HR: variants seen among roughly 807,000 people sequenced by gnomAD.
The protein encoded by HR is HR lysine demethylase and nuclear receptor corepressor.
HR carries 83 observed loss-of-function variants against 128.6 expected under a neutral mutation model. That is an observed-to-expected ratio of 0.65 (90% confidence interval 0.54 to 0.77). The LOEUF (loss-of-function observed/expected upper bound fraction) is 0.77. Ranked by LOEUF, HR falls within the 30% of genes least tolerant of loss-of-function variation. The pLI is 0.00. For missense variants in HR, 1,490 were observed against 1,574.6 expected (o/e 0.95, Z 0.91); for synonymous variants, 681 against 658.2 (o/e 1.03, Z -0.53).
rs1375391598 is a variant in HR at position 22,123,719 on chromosome 8, G to A, written c.1845C>T (p.Pro615=). 6.3e-7 allele frequency: 1 copy of A among 1,583,248 alleles called. No individual in the cohort carries two copies. The highest frequency in any genetic ancestry group is 2.3e-5 in the East Asian group (1 of 43,916). ...HGLFNTHWRC[P]RCSHRLCVAC... is the part of the protein sequence containing the mutation. ...CCACACACAGCCGGTGGCTGCAGCG[G>A]GGACATCGCCAGTGGGTGTTGAAGA... is the stretch of plus-strand genomic sequence containing the variant. The change falls in exon 6 of 19, where the codon CCC becomes CCT. Residue 615 remains proline (P), a synonymous_variant. Coordinates refer to ENST00000381418, the MANE Select transcript of HR (RefSeq NM_005144.5).
rs957304466 is a variant in HR, at chr8:22,114,647, T to A, written c.*1053A>T. On this transcript the variant is annotated 3_prime_UTR_variant, in exon 19 of 19. Coordinates refer to ENST00000381418, the MANE Select transcript of HR (RefSeq NM_005144.5). ...AGTCCCAGGGTGGCTGGGCCTGGCG[T>A]CGGCCATGGCCACTGCCACCAAGGG... The A allele has an allele frequency of 2.0e-5, 3 of 152,430 alleles. No individual in the cohort carries two copies. Among genetic ancestry groups the A allele is most frequent in the African/African-American group, 7.2e-5 (3 of 41,460 alleles). 9.4% of individuals were successfully genotyped at this position (152,430 alleles called of 1,614,324 possible).
At position 22,123,933 on chromosome 8, in the gene HR, G is replaced by T. The variant is rs1001160697; in HGVS notation, c.1751-120C>A. Reference sequence around the variant, plus strand: ...GCAAGGAGCAGCTTCCATGGAGAGGGCCCCCCCAGGGAAGGGAGACAGGCC... The same window carrying T: ...GCAAGGAGCAGCTTCCATGGAGAGGTCCCCCCCAGGGAAGGGAGACAGGCC... On this transcript the variant is annotated intron_variant, in intron 5 of 18. Coordinates refer to ENST00000381418, the MANE Select transcript of HR (RefSeq NM_005144.5). 20 of 1,183,902 alleles carry T rather than the reference G, an allele frequency of 1.7e-5. No individual in the cohort carries two copies. The Admixed American group carries it at 3.8e-4, about 22-fold the overall frequency. 73.3% of individuals were successfully genotyped at this position (1,183,902 alleles called of 1,614,324 possible).
Position 22,114,551 on chromosome 8 carries a change from G to C in HR, c.*1149C>G, listed in dbSNP as rs1371718945. On this transcript the variant is annotated 3_prime_UTR_variant, in exon 19 of 19. Transcript: ENST00000381418. ...TACACAAAGGAAGCGGGAGAGGGCG[G>C]AGCGCCACCAGGAGGCTGCGGGCGT... The C allele has an allele frequency of 6.5e-6, 1 of 153,014 alleles. No homozygotes were observed. Among genetic ancestry groups the C allele is most frequent in the Non-Finnish European group, 1.5e-5 (1 of 68,292 alleles). The allele number at this position is 153,014 out of a possible 1,614,324, so 9.5% of individuals were successfully genotyped here.
chr8:22,122,995 C>T (rs759766879), intron 6 of HR, 116 bp from the exon 7 acceptor site: 64 of 1,007,254 alleles, frequency 6.4e-5, no homozygotes, highest in Non-Finnish European at 9.1e-5. Context: ...CCACAAAACT[C>T]GTGCTTTCTG....
intron 1 of HR, 126 bp from the exon 2 acceptor site, chr8:22,129,336 C>G: frequency 1.4e-6 from 1 of 703,902 alleles, no homozygotes; most frequent in East Asian, 2.8e-5. Context: ...AAGTGCCAGC[C>G]CACAACTGGG....
At chr8:22,128,515 T>C (rs1178833184) in intron 2 of HR, 44 bp downstream of exon 2, 4 of 1,610,462 alleles carry the variant, frequency 2.5e-6, no homozygotes, top group South Asian at 2.2e-5. Flanking sequence ...CGAGCAACTT[T>C]GCTAGGCCAG....
Position 22,125,506 on chromosome 8 carries a change from T to C in HR, c.1557-2A>G. ...TGCAGCTCCCCTCCCAGAGGCGATC[T>C]GGAGAGAGGGCAGGGGGAGGTGAGC... On this transcript the variant is annotated splice_acceptor_variant, in intron 4 of 18. Coordinates refer to ENST00000381418, the MANE Select transcript of HR (RefSeq NM_005144.5). LOFTEE classifies it high-confidence loss of function. The C allele has an allele frequency of 6.2e-7, 1 of 1,613,364 alleles. No individual in the cohort carries two copies. The highest frequency in any genetic ancestry group is 8.5e-7 in the Non-Finnish European group (1 of 1,179,912).
In HR at chr8:22,117,348, C is replaced by T. The variant is rs756359887; in HGVS notation, c.3214-309G>A. The T allele has an allele frequency of 1.3e-3, 536 of 397,986 alleles. 2 individuals are homozygous for T. Among genetic ancestry groups the T allele is most frequent in the Non-Finnish European group, 6.5e-4 (146 of 223,404 alleles). 24.7% of individuals were successfully genotyped at this position (397,986 alleles called of 1,614,324 possible). ...TCTGTGACCTCGGCCCCTCTCCTCC[C>T]TCTCTCAATGGTACCCCTTTCTGCA... On this transcript the variant is annotated intron_variant, in intron 16 of 18. Coordinates refer to ENST00000381418, the MANE Select transcript of HR (RefSeq NM_005144.5).
rs746615772 is a variant in HR, at chr8:22,128,937, G to A, written c.234C>T (p.Gly78=). 31 of 1,613,446 alleles carry A rather than the reference G, an allele frequency of 1.9e-5. No individual in the cohort carries two copies. The East Asian group carries it at 3.6e-4, about 19-fold the overall frequency. The change falls in exon 2 of 19, where the codon GGC becomes GGT. Residue 78 remains glycine (G), a synonymous_variant. Coordinates refer to ENST00000381418, the MANE Select transcript of HR (RefSeq NM_005144.5). ...TCCTCTCCCCATTCTGGGGGCCCTC[G>A]CCCTCCACAAGTGGGAGCATGTCCT... The part of the protein sequence containing the change: ...GPKDMLPLVE[G]EGPQNGERKV...
intron 3 of HR, among the ~76,000 whole-genome samples, 175 bp from the exon 4 acceptor site, chr8:22,125,907 C>G (rs763409537): frequency 6.6e-6 from 1 of 152,094 alleles, no homozygotes; most frequent in African/African-American, 2.4e-5. Context: ...AAGGCTCGCA[C>G]GCCAGGCTGA....
At chr8:22,118,641 G>A in intron 16 of HR, 2 of 444,970 alleles carry the variant, frequency 4.5e-6, no homozygotes, top group East Asian at 4.3e-5. Context: ...GGGGCGGGGG[G>A]CTGAGACGGG....
At position 22,119,893 on chromosome 8, in the gene HR, G is replaced by A. The variant is rs1285643386; in HGVS notation, c.2847-3C>T. On this transcript the variant is annotated splice_polypyrimidine_tract_variant and splice_region_variant and intron_variant, in intron 13 of 18. Transcript: ENST00000381418. ...GACTGGCAGCTAGGTTCTCCACCCTGTCAGGGTAGGGGGTCATGCCCAGCA... is the reference window on the plus strand; with the variant it reads ...GACTGGCAGCTAGGTTCTCCACCCTATCAGGGTAGGGGGTCATGCCCAGCA... 1 of 1,613,378 alleles carries A rather than the reference G, an allele frequency of 6.2e-7. No individual in the cohort carries two copies. Among genetic ancestry groups the A allele is most frequent in the Non-Finnish European group, 8.5e-7 (1 of 1,179,996 alleles).
intron 7 of HR, 82 bp downstream of exon 7, chr8:22,122,708 T>C (rs1826786020): frequency 3.4e-6 from 5 of 1,488,792 alleles, no homozygotes; most frequent in Non-Finnish European, 4.6e-6. Context: ...GGCATGGCAC[T>C]GGGGGGAGGG....
chr8:22,123,672 G>A lies in HR; in HGVS notation c.1892C>T (p.Thr631Ile). The A allele has an allele frequency of 8.0e-7, 1 of 1,247,128 alleles. No homozygotes were observed. Among genetic ancestry groups the A allele is most frequent in the Non-Finnish European group, 1.0e-6 (1 of 977,432 alleles). The allele number at this position is 1,247,128 out of a possible 1,614,324, so 77.3% of individuals were successfully genotyped here. Reference sequence around the variant, plus strand: ...ACCTGCTTTCTCCCTGGCCCGCCCAGTGCCTGCCACACGACCACAGGCCAC... The same window carrying A: ...ACCTGCTTTCTCCCTGGCCCGCCCAATGCCTGCCACACGACCACAGGCCAC... ...LCVACGRVAG[T>I]GRAREKAGFQ... is the part of the protein sequence containing the mutation. Residue 631 changes from threonine (T) to isoleucine (I), a missense_variant, in exon 6 of 19, where the codon ACT becomes ATT. Thr to Ile is a moderately conservative substitution (Grantham distance 89). Coordinates refer to ENST00000381418, the MANE Select transcript of HR (RefSeq NM_005144.5).
At chr8:22,123,403 C>A (rs1001608044) in intron 6 of HR, among the ~76,000 whole-genome samples, 1 of 152,194 alleles carries the variant, frequency 6.6e-6, no homozygotes, top group African/African-American at 2.4e-5. Context: ...GCCAGCTGAA[C>A]AGAGTGGGAG....
chr8:22,127,277 C>A lies in HR; in HGVS notation c.1165G>T (p.Glu389Ter). Residue 389 changes from glutamate (E) to a stop codon, truncating the protein, a stop_gained, in exon 3 of 19, where the codon GAG becomes TAG. Coordinates refer to ENST00000381418, the MANE Select transcript of HR (RefSeq NM_005144.5). LOFTEE classifies it high-confidence loss of function. ...LKKTWLTRHS[E>*]QFECPRGCPE... ...CAGCCGCGTGGACATTCAAACTGCT[C>A]CGAGTGCCGTGTGAGCCATGTCTTC... The A allele has an allele frequency of 6.2e-7, 1 of 1,613,258 alleles. No homozygotes were observed. The highest frequency in any genetic ancestry group is 1.1e-5 in the South Asian group (1 of 91,090).
Position 22,115,660 on chromosome 8 carries a change from C to T in HR, c.*40G>A. 6.3e-7 allele frequency: 1 copy of T among 1,587,380 alleles called. No homozygotes were observed. The highest frequency in any genetic ancestry group is 8.7e-7 in the Non-Finnish European group (1 of 1,155,912). On this transcript the variant is annotated 3_prime_UTR_variant, in exon 19 of 19. Coordinates refer to ENST00000381418, the MANE Select transcript of HR (RefSeq NM_005144.5). ...GTTGTGCCTGGGCTGAGCACCTGGT[C>T]TACCTGTCCCCACCCCGATCCCAGA...
In HR at chr8:22,127,318, TGGCTGGGGGGACA is replaced by T; in HGVS notation, c.1111_1123del (p.Cys371ThrfsTer5). ...CCATGTCTTCTTCAGCTTGGTGTGG[TGGCTGGGGGGACA>T]GGCCCTGGGGCCAGAGGCCTTGTTC... On this transcript the variant is annotated frameshift_variant, in exon 3 of 19. Transcript: ENST00000381418. LOFTEE classifies it high-confidence loss of function. 6.2e-7 allele frequency: 1 copy of T among 1,613,378 alleles called. No individual in the cohort carries two copies. Among genetic ancestry groups the T allele is most frequent in the Non-Finnish European group, 8.5e-7 (1 of 1,180,012 alleles).
At chr8:22,122,956 A>G (rs927650483) in intron 6 of HR, 77 bp from the exon 7 acceptor site, 6 of 1,368,768 alleles carry the variant, frequency 4.4e-6, no homozygotes, top group Non-Finnish European at 6.1e-6. Context: ...AGGTCAGGAC[A>G]TGATACCTAA....
Sources: gnomAD v4.1 joint callset for allele counts (sites outside exome capture counted in the v4.1 genomes callset) on GRCh38, gnomAD v4.1.1 for gene constraint, MANE v1.5 for transcripts, NCBI Gene and HGNC (gene_info 2026-07-23, HGNC 2026-07-21) for gene names.